AGBL4: variants seen among roughly 807,000 people sequenced by gnomAD.
AGBL4 encodes cytosolic carboxypeptidase 6.
A neutral mutation model predicts 66.4 loss-of-function variants in AGBL4; 58 were observed. That is an observed-to-expected ratio of 0.87 (90% CI 0.71 to 1.09). AGBL4 has a LOEUF of 1.09. Among genes scored for constraint, AGBL4 ranks in the 50% least tolerant of loss-of-function variants. The pLI is 0.00. For missense variants in AGBL4, 579 were observed against 631.0 expected (o/e 0.92, Z 0.88); for synonymous variants, 234 against 222.9 (o/e 1.05, Z -0.44).
chr1:49,921,792 C>T (rs983864492), intron 1 of AGBL4, among the ~76,000 whole-genome samples: 14 of 152,178 alleles, frequency 9.2e-5, no homozygotes, highest in African/African-American at 3.4e-4. Flanking sequence ...CAGCATATCC[C>T]ACCTTATTCT....
chr1:48,729,666 A>G (rs1177123554), intron 6 of AGBL4, among the ~76,000 whole-genome samples: 1 of 152,096 alleles, frequency 6.6e-6, no homozygotes, highest in Non-Finnish European at 1.5e-5. Context: ...CCATATGCTG[A>G]GCCCTTCCCT....
chr1:49,830,169 C>T (rs1645625428), intron 2 of AGBL4, among the ~76,000 whole-genome samples: 1 of 152,098 alleles, frequency 6.6e-6, no homozygotes, highest in South Asian at 2.1e-4. Context: ...ATTTCTGGTT[C>T]TAGATCCTTG....
At chr1:49,214,956 G>A (rs969469190) in intron 4 of AGBL4, among the ~76,000 whole-genome samples, 1 of 152,130 alleles carries the variant, frequency 6.6e-6, no homozygotes, top group African/African-American at 2.4e-5. Flanking sequence ...GTTGTCAGCA[G>A]AGACACCATC....
chr1:50,001,670 G>A (rs777429822), intron 1 of AGBL4, among the ~76,000 whole-genome samples: 7 of 152,002 alleles, frequency 4.6e-5, no homozygotes, highest in South Asian at 2.1e-4. Flanking sequence ...CATACCAAAC[G>A]GCCTTTGTCC....
At chr1:49,411,768 C>T (rs910108433) in intron 3 of AGBL4, among the ~76,000 whole-genome samples, 2 of 152,094 alleles carry the variant, frequency 1.3e-5, no homozygotes, top group African/African-American at 4.8e-5. Flanking sequence ...TTGAGCAGGA[C>T]ACTGACACAA....
intron 3 of AGBL4, among the ~76,000 whole-genome samples, chr1:49,489,774 T>A (rs774439244): frequency 2.6e-5 from 4 of 151,818 alleles, no homozygotes; most frequent in Admixed American, 6.6e-5. Context: ...CCCAGCAGCA[T>A]TTATTGAAGA....
At chr1:50,018,774 T>C (rs1006851616) in intron 1 of AGBL4, among the ~76,000 whole-genome samples, 1 of 152,078 alleles carries the variant, frequency 6.6e-6, no homozygotes, top group African/African-American at 2.4e-5. Context: ...ACATAAACTT[T>C]CTGTCAAAAA....
intron 1 of AGBL4, among the ~76,000 whole-genome samples, chr1:49,976,914 T>C (rs773152711): frequency 6.9e-4 from 105 of 152,216 alleles, no homozygotes; most frequent in Non-Finnish European, 1.3e-3. Context: ...ACTTAATCAA[T>C]TTAGAAGATA....
intron 3 of AGBL4, among the ~76,000 whole-genome samples, chr1:49,256,976 T>C (rs1395992774): frequency 1.3e-5 from 2 of 151,044 alleles, no homozygotes; most frequent in Non-Finnish European, 2.9e-5. Flanking sequence ...CCCAAATAGA[T>C]TAGGAAATAA....
intron 2 of AGBL4, among the ~76,000 whole-genome samples, chr1:49,825,878 T>G (rs1245083342): frequency 1.3e-5 from 2 of 151,914 alleles, no homozygotes; most frequent in Non-Finnish European, 2.9e-5. Flanking sequence ...CACACACCTT[T>G]TTGGTTCTGT....
chr1:48,937,812 G>C (rs1297233662), intron 5 of AGBL4, among the ~76,000 whole-genome samples: 1 of 152,134 alleles, frequency 6.6e-6, no homozygotes, highest in Non-Finnish European at 1.5e-5. Context: ...CTAGAACCCA[G>C]GTCCTTAGGA....
At chr1:49,068,826 A>G (rs1644542583) in intron 4 of AGBL4, among the ~76,000 whole-genome samples, 1 of 152,188 alleles carries the variant, frequency 6.6e-6, no homozygotes, top group East Asian at 1.9e-4. Context: ...ACAATGGTTG[A>G]ATGAATTCAC....
chr1:48,786,490 T>C (rs1645409934), intron 6 of AGBL4, among the ~76,000 whole-genome samples: 1 of 152,234 alleles, frequency 6.6e-6, no homozygotes. Flanking sequence ...ATTTAATCCC[T>C]GTTCCCTTTT....
chr1:49,845,390 C>T, intron 2 of AGBL4: 2 of 1,381,770 alleles, frequency 1.4e-6, no homozygotes, highest in Non-Finnish European at 1.0e-6. Context: ...CACAAGTGAA[C>T]TCACACAAAC....
chr1:49,883,450 A>G (rs1277628116), intron 1 of AGBL4, among the ~76,000 whole-genome samples: 1 of 152,030 alleles, frequency 6.6e-6, no homozygotes. Flanking sequence ...CAGAATTATT[A>G]CTTTTTAATT....
chr1:49,844,511 G>T (rs567577519), intron 2 of AGBL4, among the ~76,000 whole-genome samples: 133 of 150,870 alleles, frequency 8.8e-4, no homozygotes, highest in African/African-American at 3.1e-3. Context: ...TCCTTATTCT[G>T]TTTTTCCCTC....
chr1:48,602,709 AG>A (rs1557821121), intron 9 of AGBL4, among the ~76,000 whole-genome samples: 1 of 151,408 alleles, frequency 6.6e-6, no homozygotes. Flanking sequence ...TATTTGGTGT[AG>A]GCAGCTGGAA....
At chr1:49,031,909 A>G (rs1664260231) in intron 5 of AGBL4, among the ~76,000 whole-genome samples, 1 of 152,148 alleles carries the variant, frequency 6.6e-6, no homozygotes. Context: ...AGAGAAATAG[A>G]ATATATTACA....
chr1:49,368,911 T>C (rs1486214296), intron 3 of AGBL4, among the ~76,000 whole-genome samples: 3 of 151,586 alleles, frequency 2.0e-5, no homozygotes, highest in African/African-American at 7.3e-5. Context: ...CCATCTCTAA[T>C]AAAAATACAA....
Sources: allele counts gnomAD v4.1 joint callset (sites outside exome capture counted in the v4.1 genomes callset), GRCh38; gene constraint gnomAD v4.1.1; transcripts MANE v1.5; gene names NCBI Gene and HGNC (gene_info 2026-07-23, HGNC 2026-07-21).